The following ROBO2 variants were observed in gnomAD, a reference collection of about 807,000 sequenced individuals.
The protein encoded by ROBO2 is roundabout guidance receptor 2.
In ROBO2, 53 loss-of-function variants were observed where a neutral mutation model predicts 160.8. The ratio of observed to expected loss-of-function variants is 0.33; its 90% confidence interval spans 0.26 to 0.41. The LOEUF (loss-of-function observed/expected upper bound fraction) is 0.41. ROBO2 is among the 10% of genes least tolerant of loss of function. ROBO2 has a pLI of 1.00. For missense variants in ROBO2, 1,577 were observed against 1,722.4 expected (o/e 0.92, Z 1.49); for synonymous variants, 664 against 611.7 (o/e 1.09, Z -1.26).
intron 2 of ROBO2, among the ~76,000 whole-genome samples, chr3:76,945,521 T>C (rs1232056748): frequency 6.6e-6 from 1 of 152,238 alleles, no homozygotes; most frequent in African/African-American, 2.4e-5. Flanking sequence ...ATGTGTTTTC[T>C]TCCCCACCCC....
At chr3:77,037,885 A>C (rs775899530), upstream of ROBO2, among the ~76,000 whole-genome samples, 2 of 152,212 alleles carry the variant, frequency 1.3e-5, no homozygotes, top group Non-Finnish European at 2.9e-5. Context: ...GCATTATTGT[A>C]TTAGGAAGAC....
intron 2 of ROBO2, among the ~76,000 whole-genome samples, chr3:76,004,126 G>C (rs1162678600): frequency 2.0e-5 from 3 of 152,078 alleles, no homozygotes; most frequent in Admixed American, 6.6e-5. Flanking sequence ...TTATTTGCAT[G>C]GCCTTAAACT....
chr3:76,440,568 G>C (rs181982231), intron 2 of ROBO2, among the ~76,000 whole-genome samples: 2 of 152,236 alleles, frequency 1.3e-5, no homozygotes, highest in East Asian at 3.9e-4. Flanking sequence ...TTGAAGGCAA[G>C]TAAAATACAA....
intron 2 of ROBO2, among the ~76,000 whole-genome samples, chr3:76,546,931 C>T (rs2083139168): frequency 6.6e-6 from 1 of 151,900 alleles, no homozygotes; most frequent in Admixed American, 6.6e-5. Context: ...GTCCTTTGGG[C>T]CAAGCAATGC....
At chr3:76,637,622 T>C (rs1488588404) in intron 2 of ROBO2, among the ~76,000 whole-genome samples, 1 of 152,122 alleles carries the variant, frequency 6.6e-6, no homozygotes, top group Admixed American at 6.6e-5. Context: ...AATAACAGAC[T>C]GCTCTTCCGG....
chr3:76,269,854 C>T (rs1435446452), intron 2 of ROBO2, among the ~76,000 whole-genome samples: 2 of 151,858 alleles, frequency 1.3e-5, no homozygotes, highest in Non-Finnish European at 2.9e-5. Flanking sequence ...GGAACATTAA[C>T]ATATATATGA....
At chr3:77,558,695 C>T (rs915512528) in intron 9 of ROBO2, among the ~76,000 whole-genome samples, 63 of 151,922 alleles carry the variant, frequency 4.1e-4, no homozygotes, top group Admixed American at 1.9e-3. Flanking sequence ...TTTTTACTGA[C>T]GTTTACATGA....
chr3:77,095,149 T>A (rs2070874308), intron 1 of ROBO2, among the ~76,000 whole-genome samples: 2 of 152,116 alleles, frequency 1.3e-5, no homozygotes, highest in Non-Finnish European at 1.5e-5. Context: ...TTCATAGTTT[T>A]ACTTTTTATA....
chr3:77,588,123 T>C (rs1299734708), intron 16 of ROBO2, among the ~76,000 whole-genome samples: 1 of 152,088 alleles, frequency 6.6e-6, no homozygotes, highest in East Asian at 1.9e-4. Flanking sequence ...TTTCAGATAC[T>C]TTAAGGGAAT....
chr3:76,855,759 T>G (rs1271134460), intron 2 of ROBO2, among the ~76,000 whole-genome samples: 4 of 152,240 alleles, frequency 2.6e-5, no homozygotes, highest in Non-Finnish European at 5.9e-5. Context: ...CTTTGTTTCT[T>G]AATTCATAAT....
At chr3:77,473,871 C>T (rs548866514) in intron 2 of ROBO2, among the ~76,000 whole-genome samples, 7 of 152,166 alleles carry the variant, frequency 4.6e-5, no homozygotes, top group Non-Finnish European at 8.8e-5. Flanking sequence ...CCTATAGCAG[C>T]ACTTGGACAT....
chr3:77,506,462 C>T (rs1386843449), intron 5 of ROBO2, among the ~76,000 whole-genome samples: 1 of 152,114 alleles, frequency 6.6e-6, no homozygotes, highest in Non-Finnish European at 1.5e-5. Flanking sequence ...ATGACTGTCA[C>T]ATGGTGCTCA....
At chr3:77,536,727 A>G (rs748195898) in intron 6 of ROBO2, among the ~76,000 whole-genome samples, 4 of 152,192 alleles carry the variant, frequency 2.6e-5, no homozygotes, top group Non-Finnish European at 5.9e-5. Context: ...GGATAGTATT[A>G]TGAATTGAAT....
intron 2 of ROBO2, among the ~76,000 whole-genome samples, chr3:77,196,987 G>A (rs2082367350): frequency 2.4e-5 from 3 of 126,820 alleles, no homozygotes; most frequent in Non-Finnish European, 5.4e-5. Context: ...GAAGAAGGTA[G>A]AGAAAAAAAA....
intron 2 of ROBO2, among the ~76,000 whole-genome samples, chr3:76,140,559 G>A (rs117470320): frequency 6.6e-6 from 1 of 151,948 alleles, no homozygotes; most frequent in East Asian, 1.9e-4. Flanking sequence ...TCACTTTATA[G>A]TCTACCTGCC....
At chr3:76,871,057 A>G (rs1054970449) in intron 2 of ROBO2, among the ~76,000 whole-genome samples, 11 of 152,204 alleles carry the variant, frequency 7.2e-5, no homozygotes, top group African/African-American at 2.7e-4. Context: ...TAGTTCTTGG[A>G]CTTGAAATTA....
At chr3:76,887,800 T>A (rs546238320) in intron 2 of ROBO2, among the ~76,000 whole-genome samples, 1 of 152,116 alleles carries the variant, frequency 6.6e-6, no homozygotes, top group Non-Finnish European at 1.5e-5. Flanking sequence ...TCAGGTCAAG[T>A]GTCTTCTTAT....
chr3:76,434,565 G>A (rs1357277987), intron 2 of ROBO2: 19 of 1,585,256 alleles, frequency 1.2e-5, no homozygotes, highest in East Asian at 2.2e-5. Context: ...TTAAGTATAC[G>A]GACAGAGCTG....
At chr3:77,378,981 C>T (rs968266269) in intron 2 of ROBO2, among the ~76,000 whole-genome samples, 2 of 150,098 alleles carry the variant, frequency 1.3e-5, no homozygotes, top group South Asian at 4.2e-4. Flanking sequence ...GAGTTTCGCT[C>T]TTGTTGCCCA....
Sources: gnomAD v4.1 joint callset for allele counts (sites outside exome capture counted in the v4.1 genomes callset) on GRCh38, gnomAD v4.1.1 for gene constraint, MANE v1.5 for transcripts, NCBI Gene and HGNC (gene_info 2026-07-23, HGNC 2026-07-21) for gene names.